Variants in PPP4R3B observed in about 807,000 individuals in gnomAD.
PPP4R3B encodes protein phosphatase 4 regulatory subunit 3B.
A neutral mutation model predicts 95.4 loss-of-function variants in PPP4R3B; 52 were observed. The observed-to-expected ratio is 0.54, with a 90% CI of 0.44 to 0.69. The LOEUF (loss-of-function observed/expected upper bound fraction) is 0.69. Among genes scored for constraint, PPP4R3B ranks in the 30% least tolerant of loss-of-function variants. The probability of loss-of-function intolerance (pLI) is 0.00; values close to 1 mark genes in which losing one functional copy is unlikely to be tolerated. For missense variants in PPP4R3B, 1,003 were observed against 1,005.9 expected (o/e 1.00, Z 0.04); for synonymous variants, 407 against 343.9 (o/e 1.18, Z -2.03).
chr2:55,615,206 G>C (rs919111499), intron 2 of PPP4R3B: 1 of 419,558 alleles, frequency 2.4e-6, no homozygotes, highest in African/African-American at 2.1e-5. Flanking sequence ...GCTAACTACA[G>C]TTAAATAATA....
At chr2:55,605,315 T>C (rs748035990) in intron 2 of PPP4R3B, among the ~76,000 whole-genome samples, 1 of 152,206 alleles carries the variant, frequency 6.6e-6, no homozygotes, top group African/African-American at 2.4e-5. Context: ...AATAACTTGT[T>C]CATTTAAGTA....
At chr2:55,612,856 G>A (rs557088031) in intron 2 of PPP4R3B, among the ~76,000 whole-genome samples, 3 of 151,876 alleles carry the variant, frequency 2.0e-5, no homozygotes, top group Non-Finnish European at 4.4e-5. Flanking sequence ...TGAGGCAGGA[G>A]AATGGTGTGA....
chr2:55,608,602 T>C (rs763946982), intron 2 of PPP4R3B, among the ~76,000 whole-genome samples: 2 of 152,210 alleles, frequency 1.3e-5, no homozygotes, highest in Non-Finnish European at 2.9e-5. Flanking sequence ...TTCCCACTTA[T>C]TGCTTCTCTT....
intron 9 of PPP4R3B, among the ~76,000 whole-genome samples, chr2:55,578,879 T>C (rs1194847195): frequency 6.6e-6 from 1 of 152,080 alleles, no homozygotes; most frequent in African/African-American, 2.4e-5. Flanking sequence ...ATTTCACTAA[T>C]TAAGTTGTAC....
At position 55,588,785 on chromosome 2, in the gene PPP4R3B, AC is replaced by A. The variant is rs1197355866; in HGVS notation, c.999+93del. The A allele has an allele frequency of 8.8e-6, 6 of 681,774 alleles. No individual in the cohort carries two copies. In the East Asian group the frequency reaches 1.4e-4, roughly 15 times the overall value. The allele number at this position is 681,774 out of a possible 1,614,324, so 42.2% of individuals were successfully genotyped here. A position where few individuals can be genotyped will look rare whatever the true frequency, so the allele number is the denominator to read the frequency against. On this transcript the variant is annotated intron_variant, in intron 5 of 16. Transcript: ENST00000616407. The stretch of plus-strand genomic sequence containing the variant: ...CTTTTCATCTCTTACTAATCTAATT[AC>A]AAAAAATTGTCTCAAGTTAGCAAAT...
intron 5 of PPP4R3B, among the ~76,000 whole-genome samples, chr2:55,587,951 G>A (rs534986599): frequency 3.3e-5 from 5 of 152,154 alleles, no homozygotes; most frequent in South Asian, 4.1e-4. Context: ...ATCTGAAACC[G>A]AAGATATTCC....
In PPP4R3B at chr2:55,564,483, A is replaced by G; in HGVS notation, c.2090T>C (p.Leu697Ser). ...ATCTCTGCGAAATCTGTTACTACGC[A>G]ATATAGATGGTACACTGTAAGAAAT... ...NQKLNSVPSI[L>S]RSNRFRRDAK... Residue 697 changes from leucine (L) to serine (S), a missense_variant, in exon 15 of 17, where the codon TTG becomes TCG. Physicochemically the swap from Leu to Ser is moderately radical, Grantham distance 145. This residue lies in a region of PPP4R3B where 229 missense variants were observed against 194.7 expected (regional missense o/e 1.18). Transcript: ENST00000616407. 1 of 1,608,970 alleles carries G rather than the reference A, an allele frequency of 6.2e-7. No homozygotes were observed. The highest frequency in any genetic ancestry group is 8.5e-7 in the Non-Finnish European group (1 of 1,178,528).
At chr2:55,613,008 G>A (rs1021807673) in intron 2 of PPP4R3B, among the ~76,000 whole-genome samples, 1 of 151,982 alleles carries the variant, frequency 6.6e-6, no homozygotes, top group Non-Finnish European at 1.5e-5. Flanking sequence ...CTACTCAGAA[G>A]GCTGAAATTG....
chr2:55,582,581 T>A (rs1008415270), intron 7 of PPP4R3B, among the ~76,000 whole-genome samples: 3 of 152,184 alleles, frequency 2.0e-5, no homozygotes, highest in Non-Finnish European at 1.5e-5. Context: ...ATTTTGTAAC[T>A]GATGGCATTT....
intron 12 of PPP4R3B, among the ~76,000 whole-genome samples, chr2:55,569,443 A>T (rs1419112136): frequency 1.3e-5 from 2 of 152,176 alleles, no homozygotes; most frequent in Non-Finnish European, 1.5e-5. Context: ...GCTGTGCTTC[A>T]GGGGTCACGC....
intron 2 of PPP4R3B, among the ~76,000 whole-genome samples, chr2:55,611,933 A>C (rs1694223251): frequency 6.6e-6 from 1 of 152,046 alleles, no homozygotes; most frequent in Non-Finnish European, 1.5e-5. Flanking sequence ...GGATCTTGCT[A>C]TGTTGTGCAG....
In PPP4R3B at chr2:55,547,418, G is replaced by C. The variant is rs530291689; in HGVS notation, c.*2493C>G. On this transcript the variant is annotated 3_prime_UTR_variant, in exon 17 of 17. Coordinates refer to ENST00000616407, the MANE Select transcript of PPP4R3B (RefSeq NM_001122964.3). ...GCTTGCTTCACTGAATGAAGATAAA[G>C]ATATAAAAACCCAGATCTGCCTGAG... The C allele has an allele frequency of 6.6e-5, 10 of 152,266 alleles. No individual in the cohort carries two copies. In the South Asian group the frequency reaches 2.1e-3, roughly 32 times the overall value. 9.4% of individuals were successfully genotyped at this position (152,266 alleles called of 1,614,324 possible).
At position 55,573,886 on chromosome 2, in the gene PPP4R3B, C is replaced by CTTTT. The variant is rs369126683; in HGVS notation, c.1607-113_1607-110dup. ...AACAAAATCTAAACTGTATTTCCTC[C>CTTTT]TTTTTTTTTTTTTTTTTTTTGAGAC... On this transcript the variant is annotated intron_variant, in intron 11 of 16. Transcript: ENST00000616407. 684 of 277,030 alleles carry CTTTT rather than the reference C, an allele frequency of 2.5e-3. 2 individuals are homozygous for CTTTT. Among genetic ancestry groups the CTTTT allele is most frequent in the Non-Finnish European group, 3.1e-3 (531 of 171,428 alleles). 17.2% of individuals were successfully genotyped at this position (277,030 alleles called of 1,614,324 possible).
rs150746598 is a variant in PPP4R3B at position 55,558,215 on chromosome 2, T to TA, written c.2454+559dup. Among the ~76,000 whole-genome samples, 295 of 152,322 alleles carry TA rather than the reference T, an allele frequency of 1.9e-3. 6 individuals are homozygous for TA. In the East Asian group the frequency reaches 0.049, roughly 25 times the overall value. ...CGTATGTGTGAAGACGTTCTACTAC[T>TA]AAACTATCCAAGAAAATAATTTAAA... is the stretch of plus-strand genomic sequence containing the variant. On this transcript the variant is annotated intron_variant, in intron 16 of 16. Coordinates refer to ENST00000616407, the MANE Select transcript of PPP4R3B (RefSeq NM_001122964.3).
intron 4 of PPP4R3B, among the ~76,000 whole-genome samples, chr2:55,590,104 G>T (rs967328685): frequency 3.3e-5 from 5 of 150,660 alleles, no homozygotes; most frequent in Admixed American, 2.0e-4. Flanking sequence ...GAGGCGGGGG[G>T]ATCACCTGAG....
At chr2:55,600,456 A>G (rs868721827) in intron 3 of PPP4R3B, among the ~76,000 whole-genome samples, 2,641 of 144,628 alleles carry the variant, frequency 0.018, 122 homozygotes, top group African/African-American at 0.065. Context: ...AAAAAAAAAA[A>G]GGCGGGCAGG....
chr2:55,612,458 C>T (rs1024712676), intron 2 of PPP4R3B, among the ~76,000 whole-genome samples: 4 of 152,162 alleles, frequency 2.6e-5, no homozygotes, highest in African/African-American at 9.7e-5. Flanking sequence ...CTGCTCACAC[C>T]TGTAATCCCA....
intron 9 of PPP4R3B, among the ~76,000 whole-genome samples, chr2:55,578,945 T>C (rs1446980607): frequency 2.0e-5 from 3 of 152,092 alleles, no homozygotes; most frequent in Non-Finnish European, 2.9e-5. Context: ...TGGTAACATA[T>C]GAGACTGATG....
At chr2:55,562,454 C>T (rs1005407846) in intron 15 of PPP4R3B, among the ~76,000 whole-genome samples, 2 of 152,034 alleles carry the variant, frequency 1.3e-5, no homozygotes, top group African/African-American at 4.8e-5. Flanking sequence ...AAGTGCATGG[C>T]ACCTCCTCCT....
Sources: gnomAD v4.1 joint callset for allele counts (sites outside exome capture counted in the v4.1 genomes callset) on GRCh38, gnomAD v4.1.1 for gene constraint, gnomAD v4.1.1 regional missense constraint, MANE v1.5 for transcripts, NCBI Gene and HGNC (gene_info 2026-07-23, HGNC 2026-07-21) for gene names.